The following RPH3A variants were observed in gnomAD, a reference collection of about 807,000 sequenced individuals.
RPH3A encodes the protein rabphilin-3A.
A neutral mutation model predicts 102.2 loss-of-function variants in RPH3A; 48 were observed. The observed-to-expected ratio is 0.47, with a 90% confidence interval of 0.37 to 0.60. The LOEUF is 0.60. Ranked by LOEUF, RPH3A falls within the 20% of genes least tolerant of loss-of-function variation. The probability of loss-of-function intolerance (pLI) is 0.00; values close to 1 mark genes in which losing one functional copy is unlikely to be tolerated. For synonymous variants in RPH3A, 310 were observed against 324.3 expected (o/e 0.96, Z 0.47); for missense variants, 781 against 910.1 (o/e 0.86, Z 1.83).
chr12:112,604,523 C>G (rs529353979), intron 1 of RPH3A, among the ~76,000 whole-genome samples: 4 of 152,124 alleles, frequency 2.6e-5, no homozygotes, highest in Non-Finnish European at 5.9e-5. Flanking sequence ...TTTTTATTCC[C>G]ATTTTACAGA....
At chr12:112,863,446 T>C (rs1180970527) in intron 5 of RPH3A, among the ~76,000 whole-genome samples, 1 of 152,208 alleles carries the variant, frequency 6.6e-6, no homozygotes, top group Non-Finnish European at 1.5e-5. Context: ...GCCTCTCAAG[T>C]AACTTGGACT....
chr12:112,661,154 G>A (rs923658665), intron 1 of RPH3A, among the ~76,000 whole-genome samples: 5 of 152,154 alleles, frequency 3.3e-5, no homozygotes, highest in Admixed American at 1.3e-4. Context: ...GGGTCCCTGA[G>A]CCTCAGACCC....
intron 1 of RPH3A, among the ~76,000 whole-genome samples, chr12:112,694,366 T>A (rs1310267680): frequency 6.6e-6 from 1 of 152,054 alleles, no homozygotes; most frequent in Non-Finnish European, 1.5e-5. Context: ...GCAGAGGTCT[T>A]CTTAGTGATT....
intron 1 of RPH3A, among the ~76,000 whole-genome samples, chr12:112,721,453 C>CTG (rs1332517711): frequency 8.0e-4 from 122 of 152,232 alleles, no homozygotes; most frequent in Non-Finnish European, 1.5e-3. Context: ...TTCAGGGAAG[C>CTG]AAACAGATGG....
At position 112,897,169 on chromosome 12, in the gene RPH3A, CACACA is replaced by C; in HGVS notation, c.*390_*394del. On this transcript the variant is annotated 3_prime_UTR_variant, in exon 22 of 22. Transcript: ENST00000389385. ...GTACACACACACACACACACACACA[CACACA>C]CCCTTTCATTCCCTGTGTTGTGTCT... 5.3e-6 allele frequency: 1 copy of C among 188,136 alleles called. No homozygotes were observed. The highest frequency in any genetic ancestry group is 1.1e-5 in the Non-Finnish European group (1 of 88,616). The allele number at this position is 188,136 out of a possible 1,614,324, so 11.7% of individuals were successfully genotyped here.
intron 5 of RPH3A, among the ~76,000 whole-genome samples, chr12:112,848,996 C>T (rs112457616): frequency 2.4e-4 from 36 of 152,192 alleles, no homozygotes; most frequent in African/African-American, 8.2e-4. Context: ...GCTGGGATAC[C>T]ACCTCCACCC....
At position 112,875,605 on chromosome 12, in the gene RPH3A, A is replaced by G. The variant is rs554922511; in HGVS notation, c.884-74A>G. 31 of 1,342,750 alleles carry G rather than the reference A, an allele frequency of 2.3e-5. No homozygotes were observed. The African/African-American group carries it at 3.8e-4, about 16-fold the overall frequency. 83.2% of individuals were successfully genotyped at this position (1,342,750 alleles called of 1,614,324 possible). On this transcript the variant is annotated intron_variant, in intron 11 of 21. Coordinates refer to ENST00000389385, the MANE Select transcript of RPH3A (RefSeq NM_001143854.2). The stretch of plus-strand genomic sequence containing the variant: ...GGCCTGTGTCCACACCTGTGAAATG[A>G]AAAGGAAAAGGTGAACCCCCAAATG...
At chr12:112,801,572 G>C (rs1264382527) in intron 2 of RPH3A, among the ~76,000 whole-genome samples, 1 of 152,138 alleles carries the variant, frequency 6.6e-6, no homozygotes, top group Non-Finnish European at 1.5e-5. Context: ...GACCCGGAGG[G>C]GGACTGTGGT....
chr12:112,785,403 A>G (rs1304863761), intron 1 of RPH3A, among the ~76,000 whole-genome samples: 4 of 152,092 alleles, frequency 2.6e-5, no homozygotes, highest in Non-Finnish European at 5.9e-5. Flanking sequence ...GAATATAATA[A>G]TTTTCTAATG....
chr12:112,684,183 G>A (rs2040246283), intron 1 of RPH3A, among the ~76,000 whole-genome samples: 1 of 152,042 alleles, frequency 6.6e-6, no homozygotes, highest in African/African-American at 2.4e-5. Context: ...ATTCCAAATT[G>A]CGCTCCTAAA....
At chr12:112,596,015 C>T (rs933126189) in intron 1 of RPH3A, among the ~76,000 whole-genome samples, 1 of 152,174 alleles carries the variant, frequency 6.6e-6, no homozygotes, top group Non-Finnish European at 1.5e-5. Flanking sequence ...CTGGTATGGG[C>T]TACTCAGCCA....
At chr12:112,654,039 C>T (rs1284021670) in intron 1 of RPH3A, among the ~76,000 whole-genome samples, 1 of 152,244 alleles carries the variant, frequency 6.6e-6, no homozygotes, top group Non-Finnish European at 1.5e-5. Context: ...AACTTTTCCA[C>T]TGGAAGATCT....
chr12:112,584,573 G>T (rs1276990934), intron 1 of RPH3A, among the ~76,000 whole-genome samples: 1 of 152,188 alleles, frequency 6.6e-6, no homozygotes, highest in Non-Finnish European at 1.5e-5. Flanking sequence ...GGCACCTCAG[G>T]CGTCATTCCT....
Position 112,892,689 on chromosome 12 carries a change from A to G in RPH3A, c.1775+1686A>G, listed in dbSNP as rs2043119135. On this transcript the variant is annotated intron_variant, in intron 19 of 21. Transcript: ENST00000389385. ...AACTGGAGAATGCAGGCTGAGAGGT[A>G]CATTTTCAAGGGGTCTGGTACACAG... Among the ~76,000 whole-genome samples the G allele has an allele frequency of 3.3e-5, 5 of 152,334 alleles. 1 individual carries two copies. In the South Asian group the frequency reaches 1.0e-3, roughly 32 times the overall value.
chr12:112,874,544 G>A lies in RPH3A; in HGVS notation c.797-540G>A, dbSNP rs2042761577. Among the ~76,000 whole-genome samples the A allele has an allele frequency of 2.0e-5, 3 of 152,194 alleles. No homozygotes were observed. In the South Asian group the frequency reaches 6.2e-4, roughly 31 times the overall value. On this transcript the variant is annotated intron_variant, in intron 10 of 21. Coordinates refer to ENST00000389385, the MANE Select transcript of RPH3A (RefSeq NM_001143854.2). ...ACTGTTGCCTCCATGGGGCATCTAA[G>A]GTTCAGAGAGGATGAGTATCCAGCC...
chr12:112,660,215 A>G (rs1204573081), intron 1 of RPH3A, among the ~76,000 whole-genome samples: 1 of 152,202 alleles, frequency 6.6e-6, no homozygotes, highest in Non-Finnish European at 1.5e-5. Flanking sequence ...ATATATATCA[A>G]TGTACATCAG....
At chr12:112,793,770 G>C (rs547361186) in intron 2 of RPH3A, among the ~76,000 whole-genome samples, 72 of 152,136 alleles carry the variant, frequency 4.7e-4, no homozygotes, top group African/African-American at 1.7e-3. Flanking sequence ...GGTACTAATC[G>C]ATCAGAATGG....
intron 1 of RPH3A, among the ~76,000 whole-genome samples, chr12:112,761,744 C>G (rs943391792): frequency 2.0e-5 from 3 of 152,220 alleles, no homozygotes; most frequent in African/African-American, 7.2e-5. Flanking sequence ...CCATGTAGAC[C>G]TGTGACCCAC....
intron 8 of RPH3A, 169 bp from the exon 9 acceptor site, chr12:112,869,590 A>C: frequency 1.5e-6 from 1 of 662,710 alleles, no homozygotes. Flanking sequence ...AAAAAATGTG[A>C]AATTGTAAAC....
Sources: gnomAD v4.1 joint callset for allele counts (sites outside exome capture counted in the v4.1 genomes callset) on GRCh38, gnomAD v4.1.1 for gene constraint, MANE v1.5 for transcripts, NCBI Gene and HGNC (gene_info 2026-07-23, HGNC 2026-07-21) for gene names.